The following ATG2B variants were observed in gnomAD, a reference collection of about 807,000 sequenced individuals.
ATG2B encodes autophagy related 2B.
A neutral mutation model predicts 241.3 loss-of-function variants in ATG2B; 121 were observed. The ratio of observed to expected loss-of-function variants is 0.50; its 90% CI spans 0.43 to 0.58. The LOEUF (loss-of-function observed/expected upper bound fraction) is 0.58. Ranked by LOEUF, ATG2B falls within the 20% of genes least tolerant of loss-of-function variation. ATG2B has a pLI of 0.00. For missense variants in ATG2B, 2,306 were observed against 2,491.6 expected (o/e 0.93, Z 1.59); for synonymous variants, 858 against 876.6 (o/e 0.98, Z 0.37).
At chr14:96,338,033 A>ATTTTC (rs913194044) in intron 6 of ATG2B, among the ~76,000 whole-genome samples, 4 of 151,798 alleles carry the variant, frequency 2.6e-5, no homozygotes, top group African/African-American at 9.7e-5. Context: ...ATTTTATTTT[A>ATTTTC]TTTTATTTGC....
chr14:96,332,283 C>CAA, intron 10 of ATG2B, 22 bp downstream of exon 10: 1 of 1,563,892 alleles, frequency 6.4e-7, no homozygotes, highest in Non-Finnish European at 8.8e-7. Context: ...AAACTAACAA[C>CAA]AAATGTCTTA....
In ATG2B at chr14:96,289,716, T is replaced by C. The variant is rs549682225; in HGVS notation, c.5946A>G (p.Leu1982=). 1.2e-6 allele frequency: 2 copies of C among 1,614,220 alleles called. No homozygotes were observed. Among genetic ancestry groups the C allele is most frequent in the Admixed American group, 3.3e-5 (2 of 60,026 alleles). The change falls in exon 41 of 42, where the codon TTA becomes TTG. Residue 1982 remains leucine (L), a synonymous_variant. Transcript: ENST00000359933. This position sits in a 1 kb window ranked among gnomAD's most constrained non-coding sequence, Gnocchi z 4.3. Reference sequence around the variant, plus strand: ...CCCTCAGGTCTACTGGCTGGTGGGCTAACCGGTGATGAGGAAACCTTTTGG... The same window carrying C: ...CCCTCAGGTCTACTGGCTGGTGGGCCAACCGGTGATGAGGAAACCTTTTGG... The part of the protein sequence containing the change: ...KKTKRFPHHR[L]AHQPVDLREG...
intron 29 of ATG2B, 110 bp downstream of exon 29, chr14:96,309,343 T>C: frequency 7.4e-7 from 1 of 1,349,038 alleles, no homozygotes; most frequent in Non-Finnish European, 1.0e-6. Flanking sequence ...CAGATATCCA[T>C]AAAAACTCAT....
rs138090571 is a variant in ATG2B at position 96,305,721 on chromosome 14, G to A, written c.4601C>T (p.Thr1534Met). 60 of 1,614,018 alleles carry A rather than the reference G, an allele frequency of 3.7e-5. No individual in the cohort carries two copies. The highest frequency in any genetic ancestry group is 6.7e-5 in the Admixed American group (4 of 60,000). ...YFSLPVNKTD[T>M]SKAPLHFPIP... ...GGGAAAGTGTAAGGGGGCTTTGCTC[G>A]TATCGGTCTTATTAACGGGCAGACT... The change falls in exon 31 of 42, where the codon ACG becomes ATG. Residue 1534 changes from threonine to methionine, a missense_variant. Around this residue, in one of 2 missense-constraint regions of ATG2B, gnomAD observed 1,927 missense variants for 2,011.2 expected, o/e 0.96. Coordinates refer to ENST00000359933, the MANE Select transcript of ATG2B (RefSeq NM_018036.7).
At chr14:96,297,420 CAG>C (rs769290298) in intron 34 of ATG2B, among the ~76,000 whole-genome samples, 248 of 152,186 alleles carry the variant, frequency 1.6e-3, no homozygotes, top group Non-Finnish European at 2.6e-3. Flanking sequence ...TGTTTTGAGA[CAG>C]AGTCTCGCTC....
rs142279437 is a variant in ATG2B at position 96,319,667 on chromosome 14, G to A, written c.2880-1812C>T. Reference sequence around the variant, plus strand: ...AGGATTATATGGTAGTACGTATCCAGTTTAGCTTCCTGCTTCTGAGAGCTG... The same window carrying A: ...AGGATTATATGGTAGTACGTATCCAATTTAGCTTCCTGCTTCTGAGAGCTG... On this transcript the variant is annotated intron_variant, in intron 18 of 41. Transcript: ENST00000359933. Among the ~76,000 whole-genome samples, 14 of 152,314 alleles carry A rather than the reference G, an allele frequency of 9.2e-5. No homozygotes were observed. In the East Asian group the frequency reaches 2.7e-3, roughly 29 times the overall value.
intron 4 of ATG2B, 49 bp from the exon 5 acceptor site, chr14:96,343,330 G>A (rs757193293): frequency 1.9e-4 from 267 of 1,413,932 alleles, no homozygotes; most frequent in Non-Finnish European, 2.4e-4. Context: ...GGGGTGCAGC[G>A]CACCAGCATG....
At chr14:96,325,554 T>C in intron 15 of ATG2B, 95 bp downstream of exon 15, 2 of 1,130,086 alleles carry the variant, frequency 1.8e-6, no homozygotes, top group Non-Finnish European at 2.5e-6. Flanking sequence ...AATTGTACTA[T>C]ATTGCAGGGC....
Position 96,316,703 on chromosome 14 carries a change from A to C in ATG2B, c.3211-20T>G. ...ATCTTGCTAGTAAAAAGATCAGAAA[A>C]ACACAGAAGTTATTACTTAAATGCA... On this transcript the variant is annotated intron_variant, in intron 20 of 41. Coordinates refer to ENST00000359933, the MANE Select transcript of ATG2B (RefSeq NM_018036.7). The C allele has an allele frequency of 6.3e-7, 1 of 1,593,366 alleles. No individual in the cohort carries two copies. The highest frequency in any genetic ancestry group is 8.5e-7 in the Non-Finnish European group (1 of 1,171,454).
At chr14:96,328,800 T>A (rs1262533744) in intron 12 of ATG2B, 34 bp from the exon 13 acceptor site, 1 of 1,503,884 alleles carries the variant, frequency 6.6e-7, no homozygotes, top group South Asian at 1.2e-5. Flanking sequence ...ATTAAATGTA[T>A]TAATCACAAG....
intron 29 of ATG2B, 28 bp from the exon 30 acceptor site, chr14:96,306,944 C>T (rs1363618643): frequency 6.3e-7 from 1 of 1,586,324 alleles, no homozygotes; most frequent in African/African-American, 1.3e-5. Flanking sequence ...AACATTTTGG[C>T]ACACTTTGAA....
At position 96,290,507 on chromosome 14, in the gene ATG2B, C is replaced by A; in HGVS notation, c.5785G>T (p.Ala1929Ser). 6.2e-7 allele frequency: 1 copy of A among 1,614,190 alleles called. No homozygotes were observed. Among genetic ancestry groups the A allele is most frequent in the Non-Finnish European group, 8.5e-7 (1 of 1,180,030 alleles). Reference protein sequence around the residue: ...GRIVRGFQRGAASFGTSTAMA... With the variant: ...GRIVRGFQRGSASFGTSTAMA... The stretch of plus-strand genomic sequence containing the variant: ...GCTGTCGAGGTACCAAAGGAAGCAG[C>A]GCCTCTCTGAAACCCTCTGACAATG... The change falls in exon 40 of 42, where the codon GCT becomes TCT. Residue 1929 changes from alanine (A) to serine (S), a missense_variant. Ala to Ser is a moderately conservative substitution (Grantham distance 99). Coordinates refer to ENST00000359933, the MANE Select transcript of ATG2B (RefSeq NM_018036.7). This position sits in a 1 kb window ranked among gnomAD's most constrained non-coding sequence, Gnocchi z 4.4.
chr14:96,353,180 C>G (rs1888378650), intron 1 of ATG2B, among the ~76,000 whole-genome samples: 1 of 152,152 alleles, frequency 6.6e-6, no homozygotes, highest in Admixed American at 6.5e-5. Flanking sequence ...GGCTATACCA[C>G]TGGGTTTAGG....
At chr14:96,317,101 A>C (rs765357474) in intron 20 of ATG2B, 44 bp downstream of exon 20, 2 of 1,491,100 alleles carry the variant, frequency 1.3e-6, no homozygotes, top group Non-Finnish European at 1.8e-6. Flanking sequence ...ATTTATTTAA[A>C]GTAAGATACA....
At chr14:96,358,816 T>C (rs1888548439) in intron 1 of ATG2B, among the ~76,000 whole-genome samples, 2 of 152,086 alleles carry the variant, frequency 1.3e-5, no homozygotes, top group Non-Finnish European at 2.9e-5. Context: ...AAACTAAAAG[T>C]GGAGACACCT....
intron 5 of ATG2B, among the ~76,000 whole-genome samples, chr14:96,342,420 G>A (rs1888061416): frequency 6.6e-6 from 1 of 151,938 alleles, no homozygotes; most frequent in South Asian, 2.1e-4. Flanking sequence ...TGTGTATAAG[G>A]CATATATGAA....
At chr14:96,316,803 G>T in intron 20 of ATG2B, 120 bp from the exon 21 acceptor site, 1 of 795,298 alleles carries the variant, frequency 1.3e-6, no homozygotes, top group Non-Finnish European at 2.0e-6. Flanking sequence ...CAGCAAAGCA[G>T]TCTAATCCTT....
chr14:96,295,634 C>A (rs1886618471), intron 34 of ATG2B, 74 bp from the exon 35 acceptor site: 2 of 940,156 alleles, frequency 2.1e-6, no homozygotes, highest in Admixed American at 2.5e-5. Flanking sequence ...AACAAAGTAT[C>A]TTAAACTCAT....
At position 96,299,800 on chromosome 14, in the gene ATG2B, C is replaced by T. The variant is rs557133729; in HGVS notation, c.5139+2207G>A. ...AAAAACATGAAAGAATAATGTGTTGCTTTCATACTTAACATGATTCAATTA... is the reference window on the plus strand; with the variant it reads ...AAAAACATGAAAGAATAATGTGTTGTTTTCATACTTAACATGATTCAATTA... On this transcript the variant is annotated intron_variant, in intron 34 of 41. Transcript: ENST00000359933. Among the ~76,000 whole-genome samples, 94 of 152,282 alleles carry T rather than the reference C, an allele frequency of 6.2e-4. 1 individual carries two copies. Among genetic ancestry groups the T allele is most frequent in the African/African-American group, 2.1e-3 (89 of 41,558 alleles).
Sources: allele counts gnomAD v4.1 joint callset (sites outside exome capture counted in the v4.1 genomes callset), GRCh38; gene constraint gnomAD v4.1.1; regional missense constraint gnomAD v4.1.1; non-coding constraint Gnocchi (gnomAD v3.1); transcripts MANE v1.5; gene names NCBI Gene and HGNC (gene_info 2026-07-23, HGNC 2026-07-21).